The following GIT1 variants were observed in gnomAD, a reference collection of about 807,000 sequenced individuals.
The protein encoded by GIT1 is ARF GTPase-activating protein GIT1.
Under a neutral mutation model 91.7 loss-of-function variants are expected in GIT1, and 14 were observed. The ratio of observed to expected loss-of-function variants is 0.15; its 90% confidence interval spans 0.10 to 0.24. GIT1 has a LOEUF of 0.24. Among genes scored for constraint, GIT1 ranks in the 10% least tolerant of loss-of-function variants. The pLI is 1.00. For missense variants in GIT1, 717 were observed against 1,024.9 expected, an observed-to-expected ratio of 0.70 and a Z score of 4.10; for synonymous variants, 414 against 418.2, an observed-to-expected ratio of 0.99 and a Z score of 0.12.
At position 29,581,581 on chromosome 17, in the gene GIT1, T is replaced by C. The variant is rs1366729586; in HGVS notation, c.718+161A>G. ...CCACTCCCTAGCCCCAGCGATGCTA[T>C]GGCCCAGAGCCTGCAGTAATTTCAC... On this transcript the variant is annotated intron_variant, in intron 6 of 19. Coordinates refer to ENST00000225394, the MANE Select transcript of GIT1 (RefSeq NM_014030.4). The surrounding 1 kb of genome is among the most constrained non-coding windows in gnomAD (Gnocchi z 4.8). The C allele has an allele frequency of 1.9e-5, 13 of 694,626 alleles. No homozygotes were observed. The highest frequency in any genetic ancestry group is 1.1e-4 in the Admixed American group (5 of 47,230). The allele number at this position is 694,626 out of a possible 1,614,324, so 43.0% of individuals were successfully genotyped here.
intron 7 of GIT1, among the ~76,000 whole-genome samples, chr17:29,579,536 AG>A (rs2033326435): frequency 6.6e-6 from 1 of 152,150 alleles, no homozygotes; most frequent in Non-Finnish European, 1.5e-5. Flanking sequence ...GCTTGAGGCC[AG>A]GAGGTGGAGA....
intron 7 of GIT1, chr17:29,579,392 T>G: frequency 7.9e-6 from 2 of 252,508 alleles, no homozygotes; most frequent in Non-Finnish European, 1.5e-5. Context: ...GCACTACCCC[T>G]TGCCTTAAGG....
chr17:29,585,719 G>A (rs1031099325), intron 1 of GIT1, among the ~76,000 whole-genome samples: 1 of 152,202 alleles, frequency 6.6e-6, no homozygotes, highest in African/African-American at 2.4e-5. Flanking sequence ...CTCTGTGCAA[G>A]TGCCCTTGGG....
In GIT1 at chr17:29,574,539, C is replaced by T. The variant is rs553504640; in HGVS notation, c.*163G>A. The stretch of plus-strand genomic sequence containing the variant: ...CCCCCCACCTCCCCATCCTTAGGGG[C>T]TCGACAGGGGTGGGCACCAGGGCAC... On this transcript the variant is annotated 3_prime_UTR_variant, in exon 20 of 20. Coordinates refer to ENST00000225394, the MANE Select transcript of GIT1 (RefSeq NM_014030.4). The T allele has an allele frequency of 2.9e-6, 2 of 692,794 alleles. No homozygotes were observed. The highest frequency in any genetic ancestry group is 3.5e-5 in the African/African-American group (2 of 56,646). The allele number at this position is 692,794 out of a possible 1,614,324, so 42.9% of individuals were successfully genotyped here.
Position 29,576,279 on chromosome 17 carries a change from G to C in GIT1, c.1552C>G (p.Pro518Ala). Residue 518 changes from proline to alanine, a missense_variant, in exon 14 of 20, where the codon CCC becomes GCC. Pro to Ala is a conservative substitution (Grantham distance 27). Around this residue, in one of 3 missense-constraint regions of GIT1, gnomAD observed 312 missense variants for 349.5 expected, o/e 0.89. Transcript: ENST00000225394. ...TCGTCCCCAGGGGGGCCCCCAAAGG[G>C]CTTCAGGGCAGAGCCAGGTTCATAC... is the stretch of plus-strand genomic sequence containing the variant. ...SMYEPGSALK[P>A]FGGPPGDELT... 1.9e-6 allele frequency: 3 copies of C among 1,611,986 alleles called. No individual in the cohort carries two copies. Among genetic ancestry groups the C allele is most frequent in the Non-Finnish European group, 2.5e-6 (3 of 1,179,148 alleles).
chr17:29,583,962 G>A (rs536643908), intron 1 of GIT1: 3 of 294,988 alleles, frequency 1.0e-5, no homozygotes, highest in East Asian at 6.3e-5. Context: ...AGCCCGTCCC[G>A]AAGGGAGGAA....
At position 29,577,794 on chromosome 17, in the gene GIT1, T is replaced by TG. The variant is rs2033266084; in HGVS notation, c.884-53dup. On this transcript the variant is annotated intron_variant, in intron 9 of 19. Transcript: ENST00000225394. Reference sequence around the variant, plus strand: ...AGCCACGGTGGCCAGGCCCCCAAGGTGGGGGTGGGGAAGCACTGAGCCCAG... The same window carrying TG: ...AGCCACGGTGGCCAGGCCCCCAAGGTGGGGGGTGGGGAAGCACTGAGCCCAG... 3 of 1,119,774 alleles carry TG rather than the reference T, an allele frequency of 2.7e-6. No homozygotes were observed. In the Middle Eastern group the frequency reaches 5.9e-4, roughly 219 times the overall value. 69.4% of individuals were successfully genotyped at this position (1,119,774 alleles called of 1,614,324 possible).
chr17:29,576,325 C>A lies in GIT1; in HGVS notation c.1506G>T (p.Arg502Ser). ...PMAPGGSTHR[R>S]DRQAFSMYEP... ...CATACATGGAAAAGGCCTGGCGATCCCTGCGGTGTGTGCTCCCGCCTGGCG... is the reference window on the plus strand; with the variant it reads ...CATACATGGAAAAGGCCTGGCGATCACTGCGGTGTGTGCTCCCGCCTGGCG... The change falls in exon 14 of 20, where the codon AGG (arginine) becomes AGT (serine). Residue 502 changes from arginine (R) to serine (S), a missense_variant. Coordinates refer to ENST00000225394, the MANE Select transcript of GIT1 (RefSeq NM_014030.4). 1 of 1,613,222 alleles carries A rather than the reference C, an allele frequency of 6.2e-7. No homozygotes were observed. Among genetic ancestry groups the A allele is most frequent in the Non-Finnish European group, 8.5e-7 (1 of 1,179,950 alleles).
chr17:29,584,178 C>T (rs963152343), intron 1 of GIT1, among the ~76,000 whole-genome samples: 1 of 152,252 alleles, frequency 6.6e-6, no homozygotes, highest in Admixed American at 6.5e-5. Flanking sequence ...AGGAGCTGGG[C>T]TTGACTGGGC....
intron 10 of GIT1, 65 bp downstream of exon 10, chr17:29,577,580 G>T: frequency 9.4e-7 from 1 of 1,058,676 alleles, no homozygotes; most frequent in Non-Finnish European, 1.5e-6. Context: ...CCAGCCCACT[G>T]CCGGATGAGG....
chr17:29,582,220 T>C, intron 4 of GIT1, 76 bp from the exon 5 acceptor site: 1 of 1,145,630 alleles, frequency 8.7e-7, no homozygotes, highest in Non-Finnish European at 1.2e-6. Context: ...GCACCCTGGC[T>C]GCCCCTGGGA....
Position 29,576,036 on chromosome 17 carries a change from A to C in GIT1, c.1665+42T>G, listed in dbSNP as rs538649048. The C allele has an allele frequency of 1.9e-6, 3 of 1,604,824 alleles. No individual in the cohort carries two copies. In the South Asian group the frequency reaches 3.3e-5, roughly 18 times the overall value. On this transcript the variant is annotated intron_variant, in intron 15 of 19. Coordinates refer to ENST00000225394, the MANE Select transcript of GIT1 (RefSeq NM_014030.4). ...CAGAGCCCAGAACCCCCTGGGGCTC[A>C]GAACCTACTGGCTAAGATGGACACG...
rs781418330 is a variant in GIT1, at chr17:29,577,692, C to T, written c.934G>A (p.Val312Met). The T allele has an allele frequency of 4.3e-6, 7 of 1,612,844 alleles. No individual in the cohort carries two copies. Among genetic ancestry groups the T allele is most frequent in the Non-Finnish European group, 5.9e-6 (7 of 1,179,188 alleles). The change falls in exon 10 of 20, where the codon GTG (valine) becomes ATG (methionine). Residue 312 changes from valine (V) to methionine (M), a missense_variant. Around this residue, in one of 3 missense-constraint regions of GIT1, gnomAD observed 271 missense variants for 451.6 expected, o/e 0.60. Coordinates refer to ENST00000225394, the MANE Select transcript of GIT1 (RefSeq NM_014030.4). The stretch of plus-strand genomic sequence containing the variant: ...TCCGGGTTAACAGGCAGGAAGGGCA[C>T]GGCACTGCGCTCTGTCACCAGAGTG... The part of the protein sequence containing the change: ...HSTLVTERSA[V>M]PFLPVNPEYS...
Position 29,582,155 on chromosome 17 carries a change from CAG to C in GIT1, c.406-13_406-12del, listed in dbSNP as rs1161982144. The C allele has an allele frequency of 6.5e-7, 1 of 1,541,734 alleles. No homozygotes were observed. The highest frequency in any genetic ancestry group is 1.9e-5 in the Admixed American group (1 of 52,378). On this transcript the variant is annotated splice_polypyrimidine_tract_variant and intron_variant, in intron 4 of 19. Coordinates refer to ENST00000225394, the MANE Select transcript of GIT1 (RefSeq NM_014030.4). ...GCTCGAGTGTAGTTGCTAAGAGGAG[CAG>C]AGTGTGCAGTGAATACGCATGTGCG...
chr17:29,589,031 G>C lies in GIT1; in HGVS notation c.52+296C>G, dbSNP rs1002940448. 1.3e-5 allele frequency among the ~76,000 whole-genome samples: 2 copies of C among 152,222 alleles called. No individual in the cohort carries two copies. The highest frequency in any genetic ancestry group is 3.9e-4 in the East Asian group (2 of 5,188). ...CAGGCTGGCGCTTCCGTCGGATACA[G>C]AGATGGAGGTGGAGGAGCAGCCAGC... is the stretch of plus-strand genomic sequence containing the variant. On this transcript the variant is annotated intron_variant, in intron 1 of 19. Transcript: ENST00000225394. The surrounding 1 kb of genome is among the most constrained non-coding windows in gnomAD (Gnocchi z 5.2).
At chr17:29,578,159 T>C (rs1598568983) in intron 9 of GIT1, 140 bp downstream of exon 9, 1 of 726,840 alleles carries the variant, frequency 1.4e-6, no homozygotes, top group East Asian at 2.6e-5. Context: ...CCAGGCAGGC[T>C]CACAGCCAGC....
intron 1 of GIT1, among the ~76,000 whole-genome samples, chr17:29,585,051 A>T (rs571749745): frequency 2.3e-5 from 3 of 130,996 alleles, no homozygotes; most frequent in Admixed American, 1.9e-4. Flanking sequence ...ACCCCCTCCC[A>T]ATCAGGGCAA....
In GIT1 at chr17:29,581,435, C is replaced by T; in HGVS notation, c.719-55G>A. The T allele has an allele frequency of 7.3e-7, 1 of 1,372,918 alleles. No individual in the cohort carries two copies. Among genetic ancestry groups the T allele is most frequent in the Non-Finnish European group, 1.0e-6 (1 of 961,004 alleles). The allele number at this position is 1,372,918 out of a possible 1,614,324, so 85.0% of individuals were successfully genotyped here. On this transcript the variant is annotated intron_variant, in intron 6 of 19. Coordinates refer to ENST00000225394, the MANE Select transcript of GIT1 (RefSeq NM_014030.4). The surrounding 1 kb of genome is among the most constrained non-coding windows in gnomAD (Gnocchi z 4.8). ...CACTAGTGCTGGGTGGCCTCAGCAG[C>T]TGGGAGCCCACCTCACTGCCATGAG...
Position 29,582,004 on chromosome 17 carries a change from C to G in GIT1, c.546G>C (p.Gln182His). The G allele has an allele frequency of 6.2e-7, 1 of 1,612,816 alleles. No individual in the cohort carries two copies. The highest frequency in any genetic ancestry group is 1.1e-5 in the South Asian group (1 of 91,084). The change falls in exon 5 of 20, where the codon CAG becomes CAC. Residue 182 changes from glutamine to histidine, a missense_variant. Physicochemically the swap from Gln to His is conservative, Grantham distance 24. Transcript: ENST00000225394. ...CCCCATACACTACAAGCAGCTCGGC[C>G]TGCAGTGTCTGTCCTGCCTTGGCAG... The part of the protein sequence containing the change: ...HVAAKAGQTL[Q>H]AELLVVYGAD...
Sources: allele counts gnomAD v4.1 joint callset (sites outside exome capture counted in the v4.1 genomes callset), GRCh38; gene constraint gnomAD v4.1.1; regional missense constraint gnomAD v4.1.1; non-coding constraint Gnocchi (gnomAD v3.1); transcripts MANE v1.5; gene names NCBI Gene and HGNC (gene_info 2026-07-23, HGNC 2026-07-21).